Variants in GRIN3A observed in about 807,000 individuals in gnomAD.
The protein encoded by GRIN3A is glutamate receptor ionotropic, NMDA 3A.
Under a neutral mutation model 92.4 loss-of-function variants are expected in GRIN3A, and 47 were observed. The observed-to-expected ratio is 0.51, with a 90% confidence interval of 0.40 to 0.65. The LOEUF is 0.65. Ranked by LOEUF, GRIN3A falls within the 30% of genes least tolerant of loss-of-function variation. GRIN3A has a pLI of 0.00. For missense variants in GRIN3A, 1,324 were observed against 1,393.1 expected (o/e 0.95, Z 0.79); for synonymous variants, 527 against 540.6 (o/e 0.97, Z 0.35).
chr9:101,632,157 C>T (rs1828723875), intron 3 of GRIN3A, among the ~76,000 whole-genome samples: 1 of 152,146 alleles, frequency 6.6e-6, no homozygotes, highest in African/African-American at 2.4e-5. Context: ...AGTCTTCAGT[C>T]GGCCTGGGAC....
At chr9:101,610,626 A>T (rs547159086) in intron 6 of GRIN3A, among the ~76,000 whole-genome samples, 1 of 114,216 alleles carries the variant, frequency 8.8e-6, no homozygotes, top group Non-Finnish European at 2.0e-5. Context: ...TCTATCTATC[A>T]TCTATCTATC....
At chr9:101,719,786 C>A (rs1014824892) in intron 1 of GRIN3A, among the ~76,000 whole-genome samples, 7 of 152,170 alleles carry the variant, frequency 4.6e-5, no homozygotes, top group African/African-American at 1.7e-4. Context: ...AACCCACTAC[C>A]CAGTACTATT....
rs952913492 is a variant in GRIN3A, at chr9:101,571,130, G to T, written c.*2044C>A. ...TCTGGGCCTGGGGTGAGAACGTGAG[G>T]GGATGGGGTGTTTCAACACAGAACT... On this transcript the variant is annotated 3_prime_UTR_variant, in exon 9 of 9. Coordinates refer to ENST00000361820, the MANE Select transcript of GRIN3A (RefSeq NM_133445.3). 1 of 152,226 alleles carries T rather than the reference G, an allele frequency of 6.6e-6. No individual in the cohort carries two copies. The highest frequency in any genetic ancestry group is 2.4e-5 in the African/African-American group (1 of 41,434). 9.4% of individuals were successfully genotyped at this position (152,226 alleles called of 1,614,324 possible).
At chr9:101,678,246 G>T (rs912184210) in intron 2 of GRIN3A, among the ~76,000 whole-genome samples, 24 of 152,144 alleles carry the variant, frequency 1.6e-4, no homozygotes, top group African/African-American at 5.8e-4. Context: ...GAAGAATGGG[G>T]CTCATTAAGT....
intron 3 of GRIN3A, among the ~76,000 whole-genome samples, chr9:101,640,274 A>G (rs1355482310): frequency 2.0e-4 from 30 of 152,354 alleles, no homozygotes; most frequent in Non-Finnish European, 2.2e-4. Context: ...CTTCTGCTGC[A>G]TGAATCACAA....
rs559791942 is a variant in GRIN3A, at chr9:101,578,637, A to G, written c.2931+559T>C. Among the ~76,000 whole-genome samples, 23 of 152,286 alleles carry G rather than the reference A, an allele frequency of 1.5e-4. No homozygotes were observed. The South Asian group carries it at 4.6e-3, about 30-fold the overall frequency. ...AATTTCATTCAGGGAGAGATATGCA[A>G]ACGAGTGTGCTTGAGTCACCAGTCT... On this transcript the variant is annotated intron_variant, in intron 7 of 8. Coordinates refer to ENST00000361820, the MANE Select transcript of GRIN3A (RefSeq NM_133445.3).
At chr9:101,626,837 A>G (rs1448080796) in intron 4 of GRIN3A, among the ~76,000 whole-genome samples, 1 of 152,174 alleles carries the variant, frequency 6.6e-6, no homozygotes, top group African/African-American at 2.4e-5. Flanking sequence ...GCCACTTGCT[A>G]GTTTATTACC....
At chr9:101,669,467 G>A (rs1210707376) in intron 3 of GRIN3A, among the ~76,000 whole-genome samples, 1 of 152,052 alleles carries the variant, frequency 6.6e-6, no homozygotes, top group Non-Finnish European at 1.5e-5. Context: ...TTCTATGCAA[G>A]GTAGTCAGCT....
Position 101,572,432 on chromosome 9 carries a change from A to G in GRIN3A, c.*742T>C, listed in dbSNP as rs1827773034. 6.5e-6 allele frequency: 1 copy of G among 152,786 alleles called. No individual in the cohort carries two copies. Among genetic ancestry groups the G allele is most frequent in the African/African-American group, 2.4e-5 (1 of 41,458 alleles). 9.5% of individuals were successfully genotyped at this position (152,786 alleles called of 1,614,324 possible). A position where few individuals can be genotyped will look rare whatever the true frequency, so the allele number is the denominator to read the frequency against. ...TTTAGCCAAATTGCCTTTCTGGCCC[A>G]GAGCTTTTGTTCTGAAAGCATGGTA... is the stretch of plus-strand genomic sequence containing the variant. On this transcript the variant is annotated 3_prime_UTR_variant, in exon 9 of 9. Transcript: ENST00000361820.
intron 8 of GRIN3A, among the ~76,000 whole-genome samples, chr9:101,574,595 CTT>C (rs1827804857): frequency 6.6e-6 from 1 of 152,146 alleles, no homozygotes; most frequent in South Asian, 2.1e-4. Flanking sequence ...ATAATAAAGT[CTT>C]TATGTAAAAG....
intron 2 of GRIN3A, among the ~76,000 whole-genome samples, chr9:101,684,136 G>A (rs1279587022): frequency 6.9e-6 from 1 of 144,366 alleles, no homozygotes; most frequent in Admixed American, 7.0e-5. Flanking sequence ...TTTTGTGACG[G>A]AGTCTCGCCA....
intron 3 of GRIN3A, among the ~76,000 whole-genome samples, chr9:101,647,363 A>G (rs1489888132): frequency 6.6e-6 from 1 of 151,920 alleles, no homozygotes; most frequent in African/African-American, 2.4e-5. Context: ...GTGGTGAATG[A>G]TCTTTTTCAG....
chr9:101,597,861 G>A (rs551841794), intron 6 of GRIN3A, among the ~76,000 whole-genome samples: 1 of 152,276 alleles, frequency 6.6e-6, no homozygotes, highest in South Asian at 2.1e-4. Context: ...TTCTGGGTTT[G>A]CAATATGACA....
chr9:101,595,717 T>G (rs1564122051), intron 6 of GRIN3A, among the ~76,000 whole-genome samples: 1 of 151,990 alleles, frequency 6.6e-6, no homozygotes, highest in Non-Finnish European at 1.5e-5. Context: ...ATTCAGGGCG[T>G]TTTTCAAGAT....
intron 2 of GRIN3A, among the ~76,000 whole-genome samples, chr9:101,685,756 A>ATG (rs1035520893): frequency 1.3e-5 from 2 of 151,162 alleles, no homozygotes; most frequent in African/African-American, 4.8e-5. Flanking sequence ...TTATATATAT[A>ATG]TAATACTCTT....
intron 4 of GRIN3A, among the ~76,000 whole-genome samples, chr9:101,626,581 G>T (rs1570514): frequency 0.49 from 75,030 of 151,966 alleles, 18,658 homozygotes; most frequent in African/African-American, 0.57. Context: ...CTGCCTAGAT[G>T]CCAATTTCAC....
Position 101,623,331 on chromosome 9 carries a change from T to C in GRIN3A, c.2601A>G (p.Pro867=). The change falls in exon 5 of 9, where the codon CCA becomes CCG. Residue 867 remains proline (P), a synonymous_variant. Coordinates refer to ENST00000361820, the MANE Select transcript of GRIN3A (RefSeq NM_133445.3). The part of the protein sequence containing the change: ...ADCKLLTVGK[P]FAIEGYGIGL... Reference sequence around the variant, plus strand: ...ACTGATTAATACCTTCTATGGCAAATGGCTTCCCCACAGTGAGAAGTTTGC... The same window carrying C: ...ACTGATTAATACCTTCTATGGCAAACGGCTTCCCCACAGTGAGAAGTTTGC... 1 of 1,609,214 alleles carries C rather than the reference T, an allele frequency of 6.2e-7. No individual in the cohort carries two copies. Among genetic ancestry groups the C allele is most frequent in the South Asian group, 1.1e-5 (1 of 90,976 alleles).
chr9:101,601,662 T>C (rs1239953410), intron 6 of GRIN3A, among the ~76,000 whole-genome samples: 1 of 152,168 alleles, frequency 6.6e-6, no homozygotes, highest in East Asian at 1.9e-4. Context: ...TGCTTGCCTC[T>C]TCCTAGCTCC....
At chr9:101,722,347 C>T (rs190489281) in intron 1 of GRIN3A, among the ~76,000 whole-genome samples, 20 of 152,342 alleles carry the variant, frequency 1.3e-4, no homozygotes, top group Non-Finnish European at 2.6e-4. Context: ...GGGTCAGGGC[C>T]CTCATGGAGA....
Sources: allele counts gnomAD v4.1 joint callset (sites outside exome capture counted in the v4.1 genomes callset), GRCh38; gene constraint gnomAD v4.1.1; transcripts MANE v1.5; gene names NCBI Gene and HGNC (gene_info 2026-07-23, HGNC 2026-07-21).